DLG2: variants seen among roughly 807,000 people sequenced by gnomAD.
DLG2 encodes discs large MAGUK scaffold protein 2, also known as disks large homolog 2.
DLG2 carries 45 observed loss-of-function variants against 132.5 expected under a neutral mutation model. That is an observed-to-expected ratio of 0.34 (90% CI 0.27 to 0.44). DLG2 has a LOEUF of 0.44. Ranked by LOEUF, DLG2 falls within the 20% of genes least tolerant of loss-of-function variation. The pLI, the probability that DLG2 is intolerant of heterozygous loss-of-function variation, is 1.00. For missense variants in DLG2, 1,045 were observed against 1,196.9 expected (o/e 0.87, Z 1.87); for synonymous variants, 424 against 419.6 (o/e 1.01, Z -0.13).
chr11:84,996,984 G>T (rs2057714831), intron 6 of DLG2, among the ~76,000 whole-genome samples: 1 of 152,132 alleles, frequency 6.6e-6, no homozygotes, highest in Admixed American at 6.6e-5. Context: ...GCCTTGAATT[G>T]GTGTCTGGTC....
intron 11 of DLG2, among the ~76,000 whole-genome samples, chr11:83,998,017 C>G (rs376261112): frequency 9.2e-5 from 14 of 151,806 alleles, no homozygotes; most frequent in Admixed American, 3.9e-4. Flanking sequence ...CACCTCTAAT[C>G]CCAGCTACTC....
intron 11 of DLG2, among the ~76,000 whole-genome samples, chr11:84,001,422 C>A (rs565271492): frequency 4.0e-5 from 6 of 151,586 alleles, no homozygotes; most frequent in African/African-American, 9.7e-5. Flanking sequence ...AATATACATG[C>A]ACCCAGCACT....
At chr11:83,467,802 TATATATATAC>T (rs1287362645) in intron 25 of DLG2, among the ~76,000 whole-genome samples, 11 of 99,292 alleles carry the variant, frequency 1.1e-4, no homozygotes, top group Non-Finnish European at 2.3e-4. Context: ...TATATATATA[TATATATATAC>T]ACACACACAT....
intron 18 of DLG2, chr11:83,724,990 T>A: frequency 1.4e-6 from 1 of 692,908 alleles, no homozygotes; most frequent in Middle Eastern, 2.3e-4. Context: ...CTCCTGACGC[T>A]CTTGAGTGGT....
chr11:84,723,041 A>G (rs1413192051), intron 6 of DLG2, among the ~76,000 whole-genome samples: 3 of 152,200 alleles, frequency 2.0e-5, no homozygotes, highest in Non-Finnish European at 2.9e-5. Flanking sequence ...TGTTAGCATA[A>G]AAAGTGTGAT....
intron 3 of DLG2, among the ~76,000 whole-genome samples, chr11:85,587,875 T>A (rs1040559885): frequency 3.3e-5 from 5 of 152,174 alleles, no homozygotes; most frequent in Non-Finnish European, 7.4e-5. Context: ...TAGCATTTCT[T>A]GTGGTGCTGA....
intron 4 of DLG2, among the ~76,000 whole-genome samples, chr11:85,194,040 G>A (rs1214964642): frequency 6.6e-6 from 1 of 152,240 alleles, no homozygotes; most frequent in Non-Finnish European, 1.5e-5. Flanking sequence ...CACTTTAGCA[G>A]TGGATTTAGT....
intron 11 of DLG2, among the ~76,000 whole-genome samples, chr11:84,024,710 T>G (rs10792703): frequency 0.27 from 40,320 of 151,818 alleles, 5,640 homozygotes; most frequent in East Asian, 0.51. Context: ...ACTGAACTCA[T>G]CAAAGCAGAG....
At chr11:83,720,423 T>C (rs2088177815) in intron 18 of DLG2, among the ~76,000 whole-genome samples, 1 of 151,680 alleles carries the variant, frequency 6.6e-6, no homozygotes, top group South Asian at 2.1e-4. Flanking sequence ...TCCAAGTGTA[T>C]TGTGTTCTTT....
chr11:84,130,515 CACACACACAT>C (rs1315867339), intron 9 of DLG2, among the ~76,000 whole-genome samples: 2 of 117,954 alleles, frequency 1.7e-5, no homozygotes, highest in Non-Finnish European at 3.6e-5. Flanking sequence ...TACACACACA[CACACACACAT>C]ATATGTGTGT....
chr11:85,552,951 A>G (rs2076746707), intron 3 of DLG2, among the ~76,000 whole-genome samples: 1 of 151,750 alleles, frequency 6.6e-6, no homozygotes, highest in Admixed American at 6.6e-5. Context: ...AGAAATCCAC[A>G]CTGGATACAT....
chr11:85,092,135 A>C (rs1594035270), intron 6 of DLG2, among the ~76,000 whole-genome samples: 2 of 152,318 alleles, frequency 1.3e-5, no homozygotes, highest in Non-Finnish European at 2.9e-5. Context: ...AGGCATGAAA[A>C]CACATTAATC....
intron 3 of DLG2, among the ~76,000 whole-genome samples, chr11:85,504,003 T>C (rs928319067): frequency 1.3e-5 from 2 of 152,206 alleles, no homozygotes; most frequent in Non-Finnish European, 2.9e-5. Context: ...GCTGCATAAA[T>C]GTCTTCTTTT....
chr11:85,464,796 C>G (rs947160031), intron 3 of DLG2, among the ~76,000 whole-genome samples: 3 of 151,652 alleles, frequency 2.0e-5, no homozygotes, highest in Non-Finnish European at 4.4e-5. Context: ...TGATTGAGGC[C>G]AGGCGCGGTG....
chr11:83,839,342 G>A (rs1565285330), intron 16 of DLG2, among the ~76,000 whole-genome samples: 1 of 152,190 alleles, frequency 6.6e-6, no homozygotes, highest in Non-Finnish European at 1.5e-5. Flanking sequence ...AAAATGGAAT[G>A]CAAATAAAAT....
At chr11:83,773,391 A>G (rs2094470557) in intron 18 of DLG2, among the ~76,000 whole-genome samples, 2 of 152,336 alleles carry the variant, frequency 1.3e-5, no homozygotes, top group African/African-American at 4.8e-5. Context: ...CTAATATTTT[A>G]TATTTCAATT....
At position 85,075,629 on chromosome 11, in the gene DLG2, C is replaced by G. The variant is rs576634484; in HGVS notation, c.357+36032G>C. On this transcript the variant is annotated intron_variant, in intron 6 of 27. Transcript: ENST00000376104. ...TCACATACACATATACTCACATATGCACACAACTGCACAATTATACTATAT... is the reference window on the plus strand; with the variant it reads ...TCACATACACATATACTCACATATGGACACAACTGCACAATTATACTATAT... 4.3e-4 allele frequency among the ~76,000 whole-genome samples: 66 copies of G among 151,942 alleles called. 1 individual carries two copies. Among genetic ancestry groups the G allele is most frequent in the South Asian group, 1.7e-3 (8 of 4,822 alleles).
intron 8 of DLG2, among the ~76,000 whole-genome samples, chr11:84,214,155 A>T (rs1380998893): frequency 1.3e-5 from 2 of 149,322 alleles, no homozygotes; most frequent in Non-Finnish European, 3.0e-5. Flanking sequence ...TACTAACCTG[A>T]AAGTTCAGCT....
intron 8 of DLG2, among the ~76,000 whole-genome samples, chr11:84,169,776 G>C (rs184166717): frequency 2.0e-5 from 3 of 152,040 alleles, no homozygotes; most frequent in African/African-American, 7.2e-5. Flanking sequence ...TGGAGGCTGA[G>C]GCATGAGAAT....
Sources: gnomAD v4.1 joint callset for allele counts (sites outside exome capture counted in the v4.1 genomes callset) on GRCh38, gnomAD v4.1.1 for gene constraint, MANE v1.5 for transcripts, NCBI Gene and HGNC (gene_info 2026-07-23, HGNC 2026-07-21) for gene names.